Variants in SGCZ observed in about 807,000 individuals in gnomAD.
SGCZ encodes the protein sarcoglycan zeta.
In SGCZ, 40 loss-of-function variants were observed where a neutral mutation model predicts 41.3. The observed-to-expected ratio is 0.97, with a 90% CI of 0.75 to 1.26. SGCZ has a LOEUF of 1.26. Ranked by LOEUF, SGCZ falls within the 50% of genes most tolerant of loss-of-function variation. The pLI, the probability that SGCZ is intolerant of heterozygous loss-of-function variation, is 0.00. For missense variants in SGCZ, 552 were observed against 369.8 expected, an observed-to-expected ratio of 1.49 and a Z score of -4.04; for synonymous variants, 206 against 137.5, an observed-to-expected ratio of 1.50 and a Z score of -3.49.
intron 3 of SGCZ, among the ~76,000 whole-genome samples, chr8:14,308,136 A>G (rs1801406922): frequency 6.6e-6 from 1 of 152,120 alleles, no homozygotes; most frequent in Admixed American, 6.6e-5. Context: ...ATAGGAGACT[A>G]CTTATTTCTT....
chr8:14,827,645 G>C (rs973601891), intron 1 of SGCZ, among the ~76,000 whole-genome samples: 8 of 152,136 alleles, frequency 5.3e-5, no homozygotes, highest in African/African-American at 1.9e-4. Context: ...AAGTTGAATA[G>C]TTACAACAGA....
At position 14,542,833 on chromosome 8, in the gene SGCZ, A is replaced by G. The variant is rs529181857; in HGVS notation, c.234+11899T>C. 7.9e-5 allele frequency among the ~76,000 whole-genome samples: 12 copies of G among 152,134 alleles called. No homozygotes were observed. The East Asian group carries it at 2.1e-3, about 27-fold the overall frequency. On this transcript the variant is annotated intron_variant, in intron 2 of 7. Coordinates refer to ENST00000382080, the MANE Select transcript of SGCZ (RefSeq NM_139167.4). Reference sequence around the variant, plus strand: ...AATCTGAAACAGCCATCATTTTTAGATCTCTCTGCTAAGGGTGCTATTTAC... The same window carrying G: ...AATCTGAAACAGCCATCATTTTTAGGTCTCTCTGCTAAGGGTGCTATTTAC...
At chr8:14,421,234 T>G (rs1223579830) in intron 2 of SGCZ, among the ~76,000 whole-genome samples, 1 of 152,114 alleles carries the variant, frequency 6.6e-6, no homozygotes, top group Non-Finnish European at 1.5e-5. Context: ...ATCTCATGTT[T>G]TCTTTCCTTC....
At chr8:14,892,560 A>G (rs898231474) in intron 1 of SGCZ, among the ~76,000 whole-genome samples, 1 of 152,212 alleles carries the variant, frequency 6.6e-6, no homozygotes, top group Non-Finnish European at 1.5e-5. Flanking sequence ...CCAAAGTTAA[A>G]TGTTTTAATA....
intron 1 of SGCZ, among the ~76,000 whole-genome samples, chr8:15,143,103 A>C (rs1798941063): frequency 6.6e-6 from 1 of 152,208 alleles, no homozygotes; most frequent in African/African-American, 2.4e-5. Context: ...GCTATCTAGC[A>C]ATACCATATG....
At chr8:14,998,387 T>C (rs1023881141) in intron 1 of SGCZ, among the ~76,000 whole-genome samples, 1 of 152,246 alleles carries the variant, frequency 6.6e-6, no homozygotes, top group Non-Finnish European at 1.5e-5. Context: ...AGTAAGCTGA[T>C]GATATAATTT....
rs184940927 is a variant in SGCZ at position 14,643,554 on chromosome 8, G to C, written c.40-88628C>G. ...AGTGAATATTTTTCAAAAAAAAAAAGAGAAGCTTAATCCATGGCAAGACAA... is the reference window on the plus strand; with the variant it reads ...AGTGAATATTTTTCAAAAAAAAAAACAGAAGCTTAATCCATGGCAAGACAA... On this transcript the variant is annotated intron_variant, in intron 1 of 7. Coordinates refer to ENST00000382080, the MANE Select transcript of SGCZ (RefSeq NM_139167.4). Among the ~76,000 whole-genome samples the C allele has an allele frequency of 2.8e-4, 43 of 150,946 alleles. No individual in the cohort carries two copies. In the East Asian group the frequency reaches 7.6e-3, roughly 27 times the overall value.
intron 1 of SGCZ, among the ~76,000 whole-genome samples, chr8:14,805,280 C>T (rs2130517019): frequency 1.1e-5 from 1 of 90,496 alleles, no homozygotes; most frequent in East Asian, 3.7e-4. Context: ...AAGACACAGA[C>T]TGGCAAGTTG....
chr8:15,192,745 GC>G (rs1800582636), intron 1 of SGCZ, among the ~76,000 whole-genome samples: 1 of 152,026 alleles, frequency 6.6e-6, no homozygotes, highest in Non-Finnish European at 1.5e-5. Flanking sequence ...GAAGTCTTCT[GC>G]CCCATTGCCA....
chr8:15,005,148 A>G lies in SGCZ; in HGVS notation c.39+232437T>C, dbSNP rs565123638. Among the ~76,000 whole-genome samples, 8 of 152,060 alleles carry G rather than the reference A, an allele frequency of 5.3e-5. No homozygotes were observed. The South Asian group carries it at 1.7e-3, about 32-fold the overall frequency. On this transcript the variant is annotated intron_variant, in intron 1 of 7. Coordinates refer to ENST00000382080, the MANE Select transcript of SGCZ (RefSeq NM_139167.4). ...AGTTACTCATGGGGAGATCCTTCACATTACTTTTCATAAAACGTAGTACAG... is the reference window on the plus strand; with the variant it reads ...AGTTACTCATGGGGAGATCCTTCACGTTACTTTTCATAAAACGTAGTACAG...
At chr8:15,133,452 G>A (rs1048912894) in intron 1 of SGCZ, among the ~76,000 whole-genome samples, 3 of 152,180 alleles carry the variant, frequency 2.0e-5, no homozygotes, top group Admixed American at 6.5e-5. Flanking sequence ...CTCAGCCTAC[G>A]TCTTTTCTGG....
chr8:14,947,378 T>G (rs573078661), intron 1 of SGCZ, among the ~76,000 whole-genome samples: 1 of 152,288 alleles, frequency 6.6e-6, no homozygotes, highest in East Asian at 1.9e-4. Context: ...CCAGAGAACA[T>G]TGATTGGATC....
intron 2 of SGCZ, among the ~76,000 whole-genome samples, chr8:14,494,807 C>T (rs531443031): frequency 3.9e-5 from 6 of 152,248 alleles, no homozygotes; most frequent in Admixed American, 1.3e-4. Context: ...TTGCAGTAGC[C>T]TGCAGTGGCT....
chr8:15,076,875 G>C (rs1026469860), intron 1 of SGCZ, among the ~76,000 whole-genome samples: 1 of 151,386 alleles, frequency 6.6e-6, no homozygotes, highest in African/African-American at 2.4e-5. Flanking sequence ...TCTTTGGAGT[G>C]CCACCACTCA....
chr8:14,916,484 A>G (rs1019967978), intron 1 of SGCZ, among the ~76,000 whole-genome samples: 3 of 152,232 alleles, frequency 2.0e-5, no homozygotes, highest in Non-Finnish European at 2.9e-5. Flanking sequence ...CTGTTTTTTC[A>G]GGAATGCTCC....
At chr8:15,236,664 T>C (rs1031823954) in intron 1 of SGCZ, among the ~76,000 whole-genome samples, 2 of 137,242 alleles carry the variant, frequency 1.5e-5, no homozygotes, top group African/African-American at 5.0e-5. Flanking sequence ...TTATTGTGTG[T>C]ATATAAATAT....
At chr8:14,565,505 G>C (rs944928706) in intron 1 of SGCZ, among the ~76,000 whole-genome samples, 1 of 151,982 alleles carries the variant, frequency 6.6e-6, no homozygotes, top group East Asian at 1.9e-4. Context: ...AACAAAGACA[G>C]TCCACGGGCA....
chr8:14,580,621 T>C (rs1347489000), intron 1 of SGCZ, among the ~76,000 whole-genome samples: 2 of 152,196 alleles, frequency 1.3e-5, no homozygotes, highest in East Asian at 3.9e-4. Context: ...CTTTTTATAA[T>C]AGAAATCAGA....
At chr8:14,850,573 C>T (rs1010951157) in intron 1 of SGCZ, among the ~76,000 whole-genome samples, 1 of 152,102 alleles carries the variant, frequency 6.6e-6, no homozygotes, top group African/African-American at 2.4e-5. Context: ...CATGGAGCTA[C>T]TTCATAGAAT....
Sources: allele counts gnomAD v4.1 joint callset (sites outside exome capture counted in the v4.1 genomes callset), GRCh38; gene constraint gnomAD v4.1.1; transcripts MANE v1.5; gene names NCBI Gene and HGNC (gene_info 2026-07-23, HGNC 2026-07-21).